Variants in TAOK1 observed in about 807,000 individuals in gnomAD.
The protein encoded by TAOK1 is TAO kinase 1, also known as serine/threonine-protein kinase TAO1.
Under a neutral mutation model 138.3 loss-of-function variants are expected in TAOK1, and 21 were observed. The observed-to-expected ratio is 0.15, with a 90% CI of 0.11 to 0.22. The LOEUF (loss-of-function observed/expected upper bound fraction) is 0.22, where lower values mean the gene tolerates loss of function less well. Among genes scored for constraint, TAOK1 ranks in the 10% least tolerant of loss-of-function variants. The pLI, the probability that TAOK1 is intolerant of heterozygous loss-of-function variation, is 1.00. For synonymous variants in TAOK1, 361 were observed against 398.4 expected (o/e 0.91, Z 1.12); for missense variants, 651 against 1,227.7 (o/e 0.53, Z 7.02).
intron 3 of TAOK1, 64 bp downstream of exon 3, chr17:29,467,280 C>A: frequency 2.2e-6 from 2 of 889,154 alleles, no homozygotes; most frequent in Non-Finnish European, 3.2e-6. Flanking sequence ...TATATACATT[C>A]TTTTTTTTTT....
At chr17:29,446,625 T>C (rs2030085787) in intron 1 of TAOK1, among the ~76,000 whole-genome samples, 2 of 152,324 alleles carry the variant, frequency 1.3e-5, no homozygotes, top group Admixed American at 6.5e-5. Context: ...CTTAGAAGTA[T>C]GTCATTCACT....
intron 17 of TAOK1, among the ~76,000 whole-genome samples, chr17:29,528,127 G>A (rs2032042758): frequency 1.3e-5 from 2 of 152,158 alleles, no homozygotes; most frequent in Admixed American, 1.3e-4. Flanking sequence ...TTAGCTCACT[G>A]CAGCCTCCAC....
At chr17:29,517,205 G>A (rs1330930563) in intron 15 of TAOK1, among the ~76,000 whole-genome samples, 1 of 151,542 alleles carries the variant, frequency 6.6e-6, no homozygotes. Context: ...AGCCAGGATG[G>A]TCTCGATCTC....
chr17:29,436,688 A>T (rs1301631194), intron 1 of TAOK1, among the ~76,000 whole-genome samples: 3 of 152,226 alleles, frequency 2.0e-5, no homozygotes, highest in Non-Finnish European at 4.4e-5. Context: ...AACCTTAATT[A>T]TGATTGATAG....
chr17:29,538,749 A>T (rs1204029094), intron 19 of TAOK1, among the ~76,000 whole-genome samples: 1 of 152,244 alleles, frequency 6.6e-6, no homozygotes, highest in Non-Finnish European at 1.5e-5. Flanking sequence ...TCACATGTAC[A>T]TGAAGTCTTG....
Position 29,526,819 on chromosome 17 carries a change from T to TTAAAAAA in TAOK1, c.2149-3588_2149-3587insTAAAAAA, listed in dbSNP as rs770263137. On this transcript the variant is annotated intron_variant, in intron 17 of 19. Coordinates refer to ENST00000261716, the MANE Select transcript of TAOK1 (RefSeq NM_020791.4). ...GGCAGCATAGGGAGATCTCATCTCTTAAAAAAAAAAAAAAAAAAAAAAAAA... is the reference window on the plus strand; with the variant it reads ...GGCAGCATAGGGAGATCTCATCTCTTTAAAAAAAAAAAAAAAAAAAAAAAAAAAAAAA... Among the ~76,000 whole-genome samples, 9 of 50,954 alleles carry TTAAAAAA rather than the reference T, an allele frequency of 1.8e-4. 2 individuals are homozygous for TTAAAAAA. The highest frequency in any genetic ancestry group is 6.5e-4 in the East Asian group (1 of 1,550). 33.4% of individuals were successfully genotyped at this position (50,954 alleles called of 152,430 possible).
intron 10 of TAOK1, 62 bp downstream of exon 10, chr17:29,491,927 C>A (rs1197909165): frequency 1.5e-6 from 2 of 1,308,404 alleles, no homozygotes; most frequent in African/African-American, 1.5e-5. Context: ...CTTTGTCACC[C>A]AGGCTGGAGT....
rs972300761 is a variant in TAOK1 at position 29,394,154 on chromosome 17, T to G, written c.-95+3130T>G. On this transcript the variant is annotated intron_variant, in intron 1 of 19. Transcript: ENST00000261716. ...ATTTATTTTAATAATTTGCCAGTTT[T>G]TTTTTTTTTTTTTTTTTTTTTTTTT... Among the ~76,000 whole-genome samples the G allele has an allele frequency of 7.4e-5, 7 of 94,936 alleles. No homozygotes were observed. In the South Asian group the frequency reaches 2.4e-3, roughly 33 times the overall value. The allele number at this position is 94,936 out of a possible 152,430, so 62.3% of individuals were successfully genotyped here.
intron 10 of TAOK1, among the ~76,000 whole-genome samples, chr17:29,493,271 G>A (rs1334993699): frequency 6.6e-6 from 1 of 152,136 alleles, no homozygotes; most frequent in Non-Finnish European, 1.5e-5. Flanking sequence ...GAGGCGGGTG[G>A]ATCACCTGAG....
chr17:29,521,573 T>G (rs1228917489), intron 16 of TAOK1, among the ~76,000 whole-genome samples: 1 of 152,128 alleles, frequency 6.6e-6, no homozygotes, highest in Non-Finnish European at 1.5e-5. Flanking sequence ...GCAGTATAGC[T>G]CTCTAGTGTC....
At chr17:29,414,712 A>G (rs1266464570) in intron 1 of TAOK1, among the ~76,000 whole-genome samples, 1 of 149,404 alleles carries the variant, frequency 6.7e-6, no homozygotes, top group Admixed American at 6.7e-5. Flanking sequence ...ACGCACCACC[A>G]TGCCCAGCTA....
At chr17:29,415,713 G>A (rs940887976) in intron 1 of TAOK1, among the ~76,000 whole-genome samples, 7 of 152,196 alleles carry the variant, frequency 4.6e-5, no homozygotes, top group Non-Finnish European at 8.8e-5. Flanking sequence ...CTTTGAAGAT[G>A]TAAAGTATTT....
chr17:29,409,308 C>CATATATATATATATATATAT (rs1183993280), intron 1 of TAOK1, among the ~76,000 whole-genome samples: 1 of 79,494 alleles, frequency 1.3e-5, no homozygotes, highest in African/African-American at 5.7e-5. Context: ...TTTTTATGGA[C>CATATATATATATATATATAT]ATATATATAT....
chr17:29,487,544 T>C (rs1473228489), intron 8 of TAOK1, among the ~76,000 whole-genome samples: 2 of 151,950 alleles, frequency 1.3e-5, no homozygotes, highest in African/African-American at 4.8e-5. Flanking sequence ...CTTGGAGAAA[T>C]GATTGATCCA....
intron 15 of TAOK1, chr17:29,511,324 ACTGGG>A (rs1477917370): frequency 6.6e-6 from 1 of 152,126 alleles, no homozygotes; most frequent in African/African-American, 2.4e-5. Context: ...AGCTCTGCCT[ACTGGG>A]TTCACACCAT....
In TAOK1 at chr17:29,546,869, T is replaced by C. The variant is rs1598535491; in HGVS notation, c.*3847T>C. The stretch of plus-strand genomic sequence containing the variant: ...GCATGTGTTTCTTAAGAATGAGTAC[T>C]CTGCGTTGATGTTTATGAGAAGGTG... On this transcript the variant is annotated 3_prime_UTR_variant, in exon 20 of 20. Coordinates refer to ENST00000261716, the MANE Select transcript of TAOK1 (RefSeq NM_020791.4). The C allele has an allele frequency of 6.6e-6, 1 of 152,148 alleles. No homozygotes were observed. The highest frequency in any genetic ancestry group is 2.1e-4 in the South Asian group (1 of 4,828). 9.4% of individuals were successfully genotyped at this position (152,148 alleles called of 1,614,324 possible). A position where few individuals can be genotyped will look rare whatever the true frequency, so the allele number is the denominator to read the frequency against.
intron 1 of TAOK1, among the ~76,000 whole-genome samples, chr17:29,439,502 C>T (rs978475983): frequency 3.9e-5 from 6 of 151,976 alleles, no homozygotes; most frequent in South Asian, 4.1e-4. Flanking sequence ...CGTGCCCAGC[C>T]GATAATGCCT....
At chr17:29,486,988 C>T (rs1052092033) in intron 8 of TAOK1, among the ~76,000 whole-genome samples, 2 of 152,098 alleles carry the variant, frequency 1.3e-5, no homozygotes, top group Non-Finnish European at 2.9e-5. Flanking sequence ...GTGGCTCATG[C>T]CTGTAATCCC....
In TAOK1 at chr17:29,545,147, G is replaced by A. The variant is rs760609884; in HGVS notation, c.*2125G>A. The A allele has an allele frequency of 6.6e-6, 1 of 152,134 alleles. No individual in the cohort carries two copies. The highest frequency in any genetic ancestry group is 1.5e-5 in the Non-Finnish European group (1 of 68,014). The allele number at this position is 152,134 out of a possible 1,614,324, so 9.4% of individuals were successfully genotyped here. Reference sequence around the variant, plus strand: ...CTTTCAGCCCATGCTCCAGGTCACCGGTTTTTAGGTAAACATGACATGACA... The same window carrying A: ...CTTTCAGCCCATGCTCCAGGTCACCAGTTTTTAGGTAAACATGACATGACA... On this transcript the variant is annotated 3_prime_UTR_variant, in exon 20 of 20. Transcript: ENST00000261716.
Sources: allele counts gnomAD v4.1 joint callset (sites outside exome capture counted in the v4.1 genomes callset), GRCh38; gene constraint gnomAD v4.1.1; transcripts MANE v1.5; gene names NCBI Gene and HGNC (gene_info 2026-07-23, HGNC 2026-07-21).